The following ANO4 variants were observed in gnomAD, a reference collection of about 807,000 sequenced individuals.
ANO4 encodes the protein anoctamin-4.
A neutral mutation model predicts 141.9 loss-of-function variants in ANO4; 69 were observed. The observed-to-expected ratio is 0.49, with a 90% CI of 0.40 to 0.59. The LOEUF (loss-of-function observed/expected upper bound fraction) is 0.59, where lower values mean the gene tolerates loss of function less well. Among genes scored for constraint, ANO4 ranks in the 20% least tolerant of loss-of-function variants. The probability of loss-of-function intolerance (pLI) is 0.00; values close to 1 mark genes in which losing one functional copy is unlikely to be tolerated. For synonymous variants in ANO4, 350 were observed against 394.3 expected, an observed-to-expected ratio of 0.89 and a Z score of 1.33; for missense variants, 894 against 1,162.2, an observed-to-expected ratio of 0.77 and a Z score of 3.36.
intron 22 of ANO4, among the ~76,000 whole-genome samples, chr12:101,104,420 A>G (rs1006921926): frequency 4.0e-5 from 6 of 151,338 alleles, no homozygotes; most frequent in African/African-American, 1.5e-4. Context: ...TTTATTAGCA[A>G]AACATTTTCC....
At chr12:100,738,237 G>A (rs145865841) in intron 2 of ANO4, among the ~76,000 whole-genome samples, 1,847 of 152,290 alleles carry the variant, frequency 0.012, 42 homozygotes, top group African/African-American at 0.041. Context: ...GGGAGGATGA[G>A]CAGGCTATCA....
chr12:101,092,263 C>T (rs1243803961), intron 17 of ANO4, among the ~76,000 whole-genome samples: 1 of 152,034 alleles, frequency 6.6e-6, no homozygotes, highest in Admixed American at 6.6e-5. Flanking sequence ...ATATAGCTTG[C>T]ATCAGAGCAA....
chr12:100,988,141 T>C (rs2044807408), intron 8 of ANO4, among the ~76,000 whole-genome samples: 1 of 152,126 alleles, frequency 6.6e-6, no homozygotes, highest in South Asian at 2.1e-4. Context: ...TGGGTTGCCT[T>C]AGGAAAAGCC....
At chr12:101,045,561 C>A (rs12833271) in intron 13 of ANO4, among the ~76,000 whole-genome samples, 27,405 of 152,120 alleles carry the variant, frequency 0.18, 2,796 homozygotes, top group African/African-American at 0.25. Context: ...ATCAGATTGG[C>A]GCTGGGATCT....
chr12:100,855,648 G>A (rs940910448), intron 1 of ANO4, among the ~76,000 whole-genome samples: 1 of 152,044 alleles, frequency 6.6e-6, no homozygotes, highest in Non-Finnish European at 1.5e-5. Flanking sequence ...TGTAGTGTTT[G>A]CATTATTTTC....
chr12:100,953,841 G>A (rs745608787), intron 5 of ANO4, among the ~76,000 whole-genome samples: 2 of 152,022 alleles, frequency 1.3e-5, no homozygotes, highest in Non-Finnish European at 2.9e-5. Context: ...TATGCAGGCT[G>A]GCATGGGTGT....
At chr12:100,975,040 T>C (rs543313023) in intron 7 of ANO4, 151 bp downstream of exon 7, 4 of 869,686 alleles carry the variant, frequency 4.6e-6, no homozygotes, top group African/African-American at 3.4e-5. Flanking sequence ...TGTGTCTGAT[T>C]AGCCTGAGGA....
At chr12:100,920,038 C>T (rs926421380) in intron 2 of ANO4, among the ~76,000 whole-genome samples, 18 of 151,634 alleles carry the variant, frequency 1.2e-4, no homozygotes, top group African/African-American at 3.9e-4. Context: ...TTTATGAGCC[C>T]CTGCTTATGA....
At chr12:100,930,001 A>G (rs990154301) in intron 3 of ANO4, among the ~76,000 whole-genome samples, 4 of 151,962 alleles carry the variant, frequency 2.6e-5, no homozygotes, top group African/African-American at 9.7e-5. Flanking sequence ...TCTTATTCAG[A>G]CATCTTGCCC....
At chr12:100,996,688 A>G (rs939173398) in intron 8 of ANO4, among the ~76,000 whole-genome samples, 1 of 152,156 alleles carries the variant, frequency 6.6e-6, no homozygotes, top group Admixed American at 6.5e-5. Context: ...TCCGTCTCAA[A>G]AGGCAGTGGG....
At chr12:101,048,434 T>C (rs1294960505) in intron 14 of ANO4, 33 bp downstream of exon 14, 2 of 1,575,250 alleles carry the variant, frequency 1.3e-6, no homozygotes, top group Non-Finnish European at 1.7e-6. Flanking sequence ...ACTTGAGTTT[T>C]CCTCATATGC....
chr12:101,061,628 A>C (rs1795446135), intron 14 of ANO4, among the ~76,000 whole-genome samples: 1 of 151,692 alleles, frequency 6.6e-6, no homozygotes, highest in Non-Finnish European at 1.5e-5. Flanking sequence ...TATTTCATTA[A>C]GTTGATCTTC....
At chr12:100,858,887 A>G (rs1274922715) in intron 1 of ANO4, among the ~76,000 whole-genome samples, 1 of 152,190 alleles carries the variant, frequency 6.6e-6, no homozygotes, top group East Asian at 1.9e-4. Flanking sequence ...TGGAAGCAAG[A>G]TTCCCACAGT....
At chr12:100,980,769 G>T (rs2044423691) in intron 7 of ANO4, among the ~76,000 whole-genome samples, 1 of 152,064 alleles carries the variant, frequency 6.6e-6, no homozygotes, top group Non-Finnish European at 1.5e-5. Context: ...TGGAGTTAAT[G>T]CTCTTTTTAT....
intron 9 of ANO4, among the ~76,000 whole-genome samples, chr12:101,036,391 G>A (rs1361691515): frequency 6.6e-6 from 1 of 152,186 alleles, no homozygotes; most frequent in Non-Finnish European, 1.5e-5. Flanking sequence ...AGAGATATCT[G>A]CACGTCCATG....
At chr12:101,044,072 C>G (rs1443521533) in intron 13 of ANO4, among the ~76,000 whole-genome samples, 1 of 152,160 alleles carries the variant, frequency 6.6e-6, no homozygotes, top group Non-Finnish European at 1.5e-5. Flanking sequence ...TAAATGACAG[C>G]TATCATCATT....
At chr12:100,942,352 C>A in intron 4 of ANO4, 25 bp from the exon 5 acceptor site, 1 of 1,604,662 alleles carries the variant, frequency 6.2e-7, no homozygotes, top group Non-Finnish European at 8.5e-7. Flanking sequence ...ATGACTTAAA[C>A]TGGTCCCTTT....
At chr12:101,048,568 A>G (rs184842865) in intron 14 of ANO4, among the ~76,000 whole-genome samples, 167 bp downstream of exon 14, 26 of 152,334 alleles carry the variant, frequency 1.7e-4, no homozygotes, top group African/African-American at 6.3e-4. Flanking sequence ...TTTAAACGAT[A>G]TTGTAGAAGA....
At position 101,080,991 on chromosome 12, in the gene ANO4, GA is replaced by G. The variant is rs61396323; in HGVS notation, c.1395+1724del. Among the ~76,000 whole-genome samples the G allele has an allele frequency of 4.4e-4, 61 of 138,994 alleles. No individual in the cohort carries two copies. The South Asian group carries it at 6.2e-3, about 14-fold the overall frequency. 91.2% of individuals were successfully genotyped at this position (138,994 alleles called of 152,430 possible). ...TATGTGTATATATATCTAGAACCTA[GA>G]AAAAAAATATACATATATATATGTA... is the stretch of plus-strand genomic sequence containing the variant. On this transcript the variant is annotated intron_variant, in intron 15 of 27. Transcript: ENST00000392977.
Sources: gnomAD v4.1 joint callset for allele counts (sites outside exome capture counted in the v4.1 genomes callset) on GRCh38, gnomAD v4.1.1 for gene constraint, MANE v1.5 for transcripts, NCBI Gene and HGNC (gene_info 2026-07-23, HGNC 2026-07-21) for gene names.